Variants in CTNND2 observed in about 807,000 individuals in gnomAD.
CTNND2 encodes catenin delta-2.
Under a neutral mutation model 144.4 loss-of-function variants are expected in CTNND2, and 22 were observed. The observed-to-expected ratio is 0.15, with a 90% confidence interval of 0.11 to 0.22. The LOEUF (loss-of-function observed/expected upper bound fraction) is 0.22. Ranked by LOEUF, CTNND2 falls within the 10% of genes least tolerant of loss-of-function variation. CTNND2 has a pLI of 1.00. For synonymous variants in CTNND2, 751 were observed against 695.6 expected (o/e 1.08, Z -1.25); for missense variants, 1,353 against 1,618.8 (o/e 0.84, Z 2.82).
At chr5:11,258,010 G>A (rs774856838) in intron 9 of CTNND2, among the ~76,000 whole-genome samples, 5 of 152,150 alleles carry the variant, frequency 3.3e-5, no homozygotes, top group African/African-American at 9.7e-5. Flanking sequence ...TTGTACTCCT[G>A]GGGGAGAATA....
At chr5:11,815,097 A>G (rs1435242371) in intron 1 of CTNND2, among the ~76,000 whole-genome samples, 1 of 152,202 alleles carries the variant, frequency 6.6e-6, no homozygotes, top group Non-Finnish European at 1.5e-5. Flanking sequence ...AAATCCCTAC[A>G]AAACAGAAGT....
chr5:11,730,792 T>C (rs779734818), intron 2 of CTNND2, among the ~76,000 whole-genome samples: 2 of 152,224 alleles, frequency 1.3e-5, no homozygotes, highest in Non-Finnish European at 2.9e-5. Context: ...GATAAAACAA[T>C]TTTCAGCAGA....
intron 3 of CTNND2, among the ~76,000 whole-genome samples, chr5:11,543,134 C>G (rs1042364960): frequency 6.6e-5 from 10 of 152,172 alleles, no homozygotes; most frequent in Admixed American, 2.0e-4. Context: ...CCTTTCAAGT[C>G]TAACTTTAAA....
At chr5:11,504,024 C>T (rs1770768586) in intron 3 of CTNND2, among the ~76,000 whole-genome samples, 1 of 152,158 alleles carries the variant, frequency 6.6e-6, no homozygotes, top group Non-Finnish European at 1.5e-5. Context: ...CTACCTCATT[C>T]TGAAAGATAA....
chr5:11,822,577 T>A (rs1793373261), intron 1 of CTNND2, among the ~76,000 whole-genome samples: 1 of 152,046 alleles, frequency 6.6e-6, no homozygotes, highest in South Asian at 2.1e-4. Flanking sequence ...ACAACGTTGA[T>A]GGGATTATCA....
At chr5:11,691,302 T>C (rs929507768) in intron 2 of CTNND2, among the ~76,000 whole-genome samples, 8 of 151,312 alleles carry the variant, frequency 5.3e-5, no homozygotes, top group Non-Finnish European at 8.8e-5. Flanking sequence ...ACCCAGGAGG[T>C]TGGAGCTTGC....
chr5:11,044,073 G>A (rs540610019), intron 16 of CTNND2, among the ~76,000 whole-genome samples: 17 of 152,340 alleles, frequency 1.1e-4, no homozygotes, highest in Admixed American at 1.1e-3. Context: ...AGGTTGTACA[G>A]CGGGGTAGCA....
intron 3 of CTNND2, among the ~76,000 whole-genome samples, chr5:11,560,935 A>G (rs4701916): frequency 0.5 from 76,622 of 152,074 alleles, 19,871 homozygotes; most frequent in Middle Eastern, 0.63. Context: ...GGCTGAATAC[A>G]GACAGAGGGA....
intron 5 of CTNND2, among the ~76,000 whole-genome samples, chr5:11,404,404 T>A (rs763484596): frequency 6.6e-6 from 1 of 151,986 alleles, no homozygotes; most frequent in Non-Finnish European, 1.5e-5. Flanking sequence ...AGAATGTAAA[T>A]GCCACAAGGA....
chr5:11,466,588 A>G (rs775291129), intron 3 of CTNND2, among the ~76,000 whole-genome samples: 14 of 152,206 alleles, frequency 9.2e-5, no homozygotes, highest in Non-Finnish European at 1.3e-4. Context: ...CTTTTTTAAA[A>G]AGTTAAATAT....
At chr5:11,627,045 A>G (rs945185201) in intron 2 of CTNND2, among the ~76,000 whole-genome samples, 16 of 152,166 alleles carry the variant, frequency 1.1e-4, no homozygotes, top group African/African-American at 3.6e-4. Context: ...GGTGTTAGGA[A>G]AGTGTTTGAA....
chr5:11,417,794 T>G (rs1049418593), intron 3 of CTNND2, among the ~76,000 whole-genome samples: 1 of 152,182 alleles, frequency 6.6e-6, no homozygotes, highest in Admixed American at 6.5e-5. Context: ...TTTGCTTCTA[T>G]GTAGAGACTC....
At chr5:11,841,146 T>C (rs1481055714) in intron 1 of CTNND2, among the ~76,000 whole-genome samples, 1 of 152,032 alleles carries the variant, frequency 6.6e-6, no homozygotes, top group Non-Finnish European at 1.5e-5. Context: ...TAAACAACGA[T>C]GAACAAAAAA....
At chr5:11,340,914 G>A (rs962477510) in intron 9 of CTNND2, among the ~76,000 whole-genome samples, 2 of 152,162 alleles carry the variant, frequency 1.3e-5, no homozygotes, top group Non-Finnish European at 2.9e-5. Context: ...ATTCAACACT[G>A]AGCATGGAAC....
At chr5:11,658,737 T>C (rs1223620243) in intron 2 of CTNND2, among the ~76,000 whole-genome samples, 1 of 152,126 alleles carries the variant, frequency 6.6e-6, no homozygotes, top group Non-Finnish European at 1.5e-5. Flanking sequence ...AGTGACAAAT[T>C]AGTGAATTAA....
intron 1 of CTNND2, among the ~76,000 whole-genome samples, chr5:11,844,727 A>T (rs372913487): frequency 6.6e-6 from 1 of 152,162 alleles, no homozygotes; most frequent in African/African-American, 2.4e-5. Flanking sequence ...ACTGATTTTT[A>T]AAAATCTCAA....
intron 1 of CTNND2, among the ~76,000 whole-genome samples, chr5:11,875,506 T>C (rs543163513): frequency 6.6e-6 from 1 of 152,188 alleles, no homozygotes; most frequent in Non-Finnish European, 1.5e-5. Context: ...TAACTCCCAA[T>C]GTAACAGTAT....
intron 3 of CTNND2, among the ~76,000 whole-genome samples, chr5:11,461,156 G>T (rs914445437): frequency 1.2e-4 from 18 of 152,016 alleles, no homozygotes; most frequent in Non-Finnish European, 1.0e-4. Context: ...TGAAGGCAGG[G>T]ACTTTGTTTT....
chr5:11,866,877 A>G (rs1795793471), intron 1 of CTNND2, among the ~76,000 whole-genome samples: 1 of 152,192 alleles, frequency 6.6e-6, no homozygotes, highest in Non-Finnish European at 1.5e-5. Context: ...GATTCTAGTT[A>G]TCATGAACTC....
Sources: allele counts gnomAD v4.1 joint callset (sites outside exome capture counted in the v4.1 genomes callset), GRCh38; gene constraint gnomAD v4.1.1; transcripts MANE v1.5; gene names NCBI Gene and HGNC (gene_info 2026-07-23, HGNC 2026-07-21).